Variants in XXYLT1 observed in about 807,000 individuals in gnomAD.
XXYLT1 encodes xyloside xylosyltransferase 1, also known as UDP-xylose:alpha-xyloside alpha-1,3-xylosyltransferase.
Under a neutral mutation model 28.9 loss-of-function variants are expected in XXYLT1, and 20 were observed. The observed-to-expected ratio is 0.69, with a 90% CI of 0.49 to 1.00. The LOEUF (loss-of-function observed/expected upper bound fraction) is 1.00, where lower values mean the gene tolerates loss of function less well. Among genes scored for constraint, XXYLT1 ranks in the 50% least tolerant of loss-of-function variants. The probability of loss-of-function intolerance (pLI) is 0.00; values close to 1 mark genes in which losing one functional copy is unlikely to be tolerated. For missense variants in XXYLT1, 542 were observed against 560.1 expected, an observed-to-expected ratio of 0.97 and a Z score of 0.33; for synonymous variants, 257 against 253.8, an observed-to-expected ratio of 1.01 and a Z score of -0.12.
chr3:195,237,658 T>C (rs1416398017), intron 1 of XXYLT1, among the ~76,000 whole-genome samples: 1 of 152,094 alleles, frequency 6.6e-6, no homozygotes, highest in Non-Finnish European at 1.5e-5. Flanking sequence ...CATAAAAACC[T>C]TTTATGCCAC....
intron 1 of XXYLT1, among the ~76,000 whole-genome samples, chr3:195,254,380 C>T (rs1049261643): frequency 6.6e-6 from 1 of 152,262 alleles, no homozygotes; most frequent in African/African-American, 2.4e-5. Flanking sequence ...ATTCCCTGAG[C>T]CGGAAGCTTG....
At chr3:195,270,428 T>C (rs534915500) in intron 1 of XXYLT1, 127 bp downstream of exon 1, 4 of 1,340,288 alleles carry the variant, frequency 3.0e-6, no homozygotes, top group Admixed American at 3.7e-5. Context: ...GAACACTACA[T>C]TGCAAGCGGG....
chr3:195,189,524 T>C (rs1309475560), intron 2 of XXYLT1, among the ~76,000 whole-genome samples: 7 of 152,200 alleles, frequency 4.6e-5, no homozygotes, highest in South Asian at 2.1e-4. Context: ...CATTCAGATG[T>C]TGGATTTAGC....
chr3:195,264,374 A>G (rs1477251157), intron 1 of XXYLT1, among the ~76,000 whole-genome samples: 1 of 152,244 alleles, frequency 6.6e-6, no homozygotes, highest in Non-Finnish European at 1.5e-5. Context: ...TGAGGCCCAC[A>G]CACTTGCAGG....
chr3:195,072,634 C>T (rs1714887903), intron 3 of XXYLT1, among the ~76,000 whole-genome samples: 1 of 152,148 alleles, frequency 6.6e-6, no homozygotes, highest in South Asian at 2.1e-4. Flanking sequence ...GGGCATCAGC[C>T]TGAGAAGGAA....
intron 1 of XXYLT1, among the ~76,000 whole-genome samples, chr3:195,253,789 G>A (rs548303928): frequency 4.1e-4 from 62 of 152,226 alleles, no homozygotes; most frequent in Non-Finnish European, 7.6e-4. Flanking sequence ...GTGAGCCACC[G>A]CGCCCGGCCT....
At chr3:195,112,638 T>G (rs976801001) in intron 3 of XXYLT1, among the ~76,000 whole-genome samples, 7 of 134,716 alleles carry the variant, frequency 5.2e-5, no homozygotes, top group Non-Finnish European at 7.8e-5. Context: ...CACACCCCCA[T>G]GCACACACGC....
chr3:195,105,855 A>G (rs6799614), intron 3 of XXYLT1, among the ~76,000 whole-genome samples: 10,041 of 152,168 alleles, frequency 0.066, 489 homozygotes, highest in African/African-American at 0.13. Context: ...TTTCCTGGTG[A>G]CGTTTCCAGC....
intron 3 of XXYLT1, among the ~76,000 whole-genome samples, chr3:195,071,706 T>C (rs561012726): frequency 3.9e-4 from 59 of 152,278 alleles, no homozygotes; most frequent in Non-Finnish European, 6.2e-4. Flanking sequence ...GTGGCAGCTG[T>C]GTGTTCATTT....
intron 2 of XXYLT1, among the ~76,000 whole-genome samples, chr3:195,190,416 A>C (rs1254705113): frequency 1.4e-5 from 2 of 147,088 alleles, no homozygotes; most frequent in Non-Finnish European, 3.0e-5. Context: ...AATCACTTGA[A>C]CCCAGGAGGC....
intron 3 of XXYLT1, among the ~76,000 whole-genome samples, chr3:195,094,859 C>A (rs886912723): frequency 1.3e-5 from 2 of 152,252 alleles, no homozygotes; most frequent in African/African-American, 4.8e-5. Context: ...TGTTCTGTGG[C>A]TCAGCTCTGC....
At chr3:195,096,883 T>C (rs554130426) in intron 3 of XXYLT1, among the ~76,000 whole-genome samples, 3 of 152,264 alleles carry the variant, frequency 2.0e-5, no homozygotes, top group Non-Finnish European at 2.9e-5. Flanking sequence ...CAAATTGAGA[T>C]AGAATGTGAC....
chr3:195,113,060 T>C (rs989199323), intron 3 of XXYLT1, among the ~76,000 whole-genome samples: 1 of 152,170 alleles, frequency 6.6e-6, no homozygotes. Context: ...TCCTCCCAGA[T>C]AGGAACATTA....
chr3:195,104,719 C>T (rs1405993847), intron 3 of XXYLT1, among the ~76,000 whole-genome samples: 2 of 152,206 alleles, frequency 1.3e-5, no homozygotes, highest in South Asian at 2.1e-4. Context: ...AGGAAAGCTA[C>T]GGAATACCTT....
rs574077161 is a variant in XXYLT1, at chr3:195,168,625, G to A, written c.653-12044C>T. 6.6e-6 allele frequency among the ~76,000 whole-genome samples: 1 copy of A among 152,174 alleles called. No individual in the cohort carries two copies. The highest frequency in any genetic ancestry group is 1.5e-5 in the Non-Finnish European group (1 of 68,032). On this transcript the variant is annotated intron_variant, in intron 2 of 3. Transcript: ENST00000310380. The surrounding 1 kb of genome is among the most constrained non-coding windows in gnomAD (Gnocchi z 4.3). ...ATGAAGGAGAACCAGAGACTGGGAG[G>A]TGCTGGGACCTGCCTTACTACTGAC...
intron 2 of XXYLT1, among the ~76,000 whole-genome samples, chr3:195,219,011 T>C (rs567842891): frequency 3.3e-5 from 5 of 152,226 alleles, no homozygotes; most frequent in African/African-American, 1.2e-4. Flanking sequence ...TAATGTCCTT[T>C]GTAGGGACAT....
intron 2 of XXYLT1, among the ~76,000 whole-genome samples, chr3:195,198,881 G>C (rs1290377529): frequency 6.6e-6 from 1 of 152,096 alleles, no homozygotes. Context: ...CAATTGCTTC[G>C]AGAAACGCAG....
chr3:195,101,836 G>A (rs1185853214), intron 3 of XXYLT1, among the ~76,000 whole-genome samples: 2 of 146,278 alleles, frequency 1.4e-5, no homozygotes, highest in East Asian at 4.0e-4. Flanking sequence ...GGGGAGGGGA[G>A]GAGAGGGGAG....
At chr3:195,151,756 C>G (rs927787675) in intron 3 of XXYLT1, among the ~76,000 whole-genome samples, 1 of 151,942 alleles carries the variant, frequency 6.6e-6, no homozygotes, top group African/African-American at 2.4e-5. Flanking sequence ...ATGTGAAGTT[C>G]CATTTAATTG....
Sources: allele counts gnomAD v4.1 joint callset (sites outside exome capture counted in the v4.1 genomes callset), GRCh38; gene constraint gnomAD v4.1.1; non-coding constraint Gnocchi (gnomAD v3.1); transcripts MANE v1.5; gene names NCBI Gene and HGNC (gene_info 2026-07-23, HGNC 2026-07-21).